The following ZFAND3 variants were observed in gnomAD, a reference collection of about 807,000 sequenced individuals.
ZFAND3 encodes the protein AN1-type zinc finger protein 3.
Under a neutral mutation model 29.6 loss-of-function variants are expected in ZFAND3, and 10 were observed. That is an observed-to-expected ratio of 0.34 (90% CI 0.21 to 0.57). The LOEUF is 0.57. Among genes scored for constraint, ZFAND3 ranks in the 20% least tolerant of loss-of-function variants. The probability of loss-of-function intolerance (pLI) is 0.86; values close to 1 mark genes in which losing one functional copy is unlikely to be tolerated. For missense variants in ZFAND3, 230 were observed against 304.5 expected, an observed-to-expected ratio of 0.76 and a Z score of 1.82; for synonymous variants, 128 against 112.6, an observed-to-expected ratio of 1.14 and a Z score of -0.87.
At chr6:37,886,902 G>A (rs148947307) in intron 1 of ZFAND3, among the ~76,000 whole-genome samples, 1 of 152,320 alleles carries the variant, frequency 6.6e-6, no homozygotes, top group East Asian at 1.9e-4. Context: ...TACTCAGGAG[G>A]CTTAGGCACA....
At chr6:37,824,676 C>T (rs1019893418) in intron 1 of ZFAND3, among the ~76,000 whole-genome samples, 2 of 151,998 alleles carry the variant, frequency 1.3e-5, no homozygotes, top group Non-Finnish European at 2.9e-5. Flanking sequence ...AAATATGGGG[C>T]TTATTAGGTA....
chr6:38,142,683 C>T (rs757195774), intron 5 of ZFAND3, among the ~76,000 whole-genome samples: 2 of 152,296 alleles, frequency 1.3e-5, no homozygotes, highest in South Asian at 2.1e-4. Context: ...CCCTGAGAGC[C>T]GTGTAGAGGC....
chr6:37,848,918 A>G (rs544118425), intron 1 of ZFAND3, among the ~76,000 whole-genome samples: 8 of 152,206 alleles, frequency 5.3e-5, no homozygotes, highest in African/African-American at 1.4e-4. Flanking sequence ...TTAAACTTCT[A>G]TTTTGTATGG....
In ZFAND3 at chr6:38,095,229, A is replaced by G. The variant is rs115269077; in HGVS notation, c.361+12772A>G. 3.7e-3 allele frequency among the ~76,000 whole-genome samples: 570 copies of G among 152,306 alleles called. 5 individuals carry two copies. The highest frequency in any genetic ancestry group is 0.013 in the African/African-American group (554 of 41,566). The stretch of plus-strand genomic sequence containing the variant: ...CTATTTAGAAAGCAAGCTTTCATTT[A>G]CTTTTCAGGGCTAGCATCTGTGAGC... On this transcript the variant is annotated intron_variant, in intron 4 of 5. Transcript: ENST00000287218.
intron 1 of ZFAND3, among the ~76,000 whole-genome samples, chr6:37,849,364 G>A (rs759990088): frequency 5.9e-5 from 9 of 152,048 alleles, no homozygotes; most frequent in Non-Finnish European, 1.0e-4. Flanking sequence ...GATGAATTGC[G>A]TCATATAATA....
At chr6:38,053,789 T>G (rs926165696) in intron 2 of ZFAND3, among the ~76,000 whole-genome samples, 14 of 152,118 alleles carry the variant, frequency 9.2e-5, no homozygotes, top group Admixed American at 3.9e-4. Flanking sequence ...TCAAGAGATA[T>G]TTAGGAGTTG....
intron 2 of ZFAND3, among the ~76,000 whole-genome samples, chr6:37,972,480 A>T (rs895510361): frequency 3.3e-5 from 5 of 151,936 alleles, no homozygotes; most frequent in African/African-American, 1.2e-4. Flanking sequence ...TAGTTTTTGG[A>T]CTCTTGTAGG....
chr6:38,073,572 A>C (rs1225612316), intron 3 of ZFAND3, among the ~76,000 whole-genome samples: 1 of 152,198 alleles, frequency 6.6e-6, no homozygotes, highest in African/African-American at 2.4e-5. Context: ...AACAGTGTCT[A>C]AAATTAGTAC....
chr6:37,951,864 C>G (rs1762005252), intron 2 of ZFAND3, among the ~76,000 whole-genome samples: 1 of 152,128 alleles, frequency 6.6e-6, no homozygotes, highest in African/African-American at 2.4e-5. Context: ...AGGTATGTTC[C>G]TTCAGTGCTT....
At chr6:38,148,924 T>C (rs1451656492) in intron 5 of ZFAND3, among the ~76,000 whole-genome samples, 1 of 152,232 alleles carries the variant, frequency 6.6e-6, no homozygotes, top group African/African-American at 2.4e-5. Context: ...ATAACCTCAG[T>C]GCAGCTACTT....
At chr6:38,148,790 T>C (rs1345406821) in intron 5 of ZFAND3, among the ~76,000 whole-genome samples, 1 of 152,170 alleles carries the variant, frequency 6.6e-6, no homozygotes, top group Non-Finnish European at 1.5e-5. Context: ...CCAAAATGCA[T>C]TTCACCATTG....
rs1236805456 is a variant in ZFAND3 at position 38,083,108 on chromosome 6, A to G, written c.361+651A>G. Among the ~76,000 whole-genome samples, 6 of 152,294 alleles carry G rather than the reference A, an allele frequency of 3.9e-5. No individual in the cohort carries two copies. In the South Asian group the frequency reaches 1.0e-3, roughly 26 times the overall value. The stretch of plus-strand genomic sequence containing the variant: ...CTATTTAAAATATCTCAAGGATTAT[A>G]TTTGGAAGAGTCAAAATAATTATAT... On this transcript the variant is annotated intron_variant, in intron 4 of 5. Transcript: ENST00000287218.
At position 38,010,165 on chromosome 6, in the gene ZFAND3, T is replaced by C. The variant is rs530133908; in HGVS notation, c.113-51428T>C. On this transcript the variant is annotated intron_variant, in intron 2 of 5. Coordinates refer to ENST00000287218, the MANE Select transcript of ZFAND3 (RefSeq NM_021943.3). Reference sequence around the variant, plus strand: ...CAGGGTGCCAGGTGAGAACCAGCCCTGGACAGGGCACCATCCCATTGCAGG... The same window carrying C: ...CAGGGTGCCAGGTGAGAACCAGCCCCGGACAGGGCACCATCCCATTGCAGG... 1.6e-4 allele frequency among the ~76,000 whole-genome samples: 24 copies of C among 152,356 alleles called. No homozygotes were observed. The South Asian group carries it at 5.0e-3, about 32-fold the overall frequency.
rs145653196 is a variant in ZFAND3, at chr6:38,043,555, C to T, written c.113-18038C>T. On this transcript the variant is annotated intron_variant, in intron 2 of 5. Transcript: ENST00000287218. ...CCCCTCTCCCCTTTTCTCCCCTCTTCCTCCTTCCCCTCTTCCCCCTTCCCC... is the reference window on the plus strand; with the variant it reads ...CCCCTCTCCCCTTTTCTCCCCTCTTTCTCCTTCCCCTCTTCCCCCTTCCCC... 1.7e-3 allele frequency among the ~76,000 whole-genome samples: 250 copies of T among 147,962 alleles called. 2 individuals are homozygous for T. Among genetic ancestry groups the T allele is most frequent in the African/African-American group, 5.7e-3 (227 of 40,002 alleles).
chr6:37,893,773 C>T (rs974717298), intron 1 of ZFAND3, among the ~76,000 whole-genome samples: 6 of 152,120 alleles, frequency 3.9e-5, no homozygotes, highest in South Asian at 4.1e-4. Flanking sequence ...AGGCTGGTCT[C>T]GAACTCCTGA....
rs545998224 is a variant in ZFAND3, at chr6:38,131,323, T to G, written c.529+14584T>G. Reference sequence around the variant, plus strand: ...AGTTTTACTCTGATATTGGTTCTTTTCTTCTTCTGGGTTTGTGATTCCCCT... The same window carrying G: ...AGTTTTACTCTGATATTGGTTCTTTGCTTCTTCTGGGTTTGTGATTCCCCT... On this transcript the variant is annotated intron_variant, in intron 5 of 5. Coordinates refer to ENST00000287218, the MANE Select transcript of ZFAND3 (RefSeq NM_021943.3). 2.6e-3 allele frequency among the ~76,000 whole-genome samples: 390 copies of G among 152,358 alleles called. 2 individuals are homozygous for G. The highest frequency in any genetic ancestry group is 7.0e-3 in the South Asian group (34 of 4,832).
Position 38,061,695 on chromosome 6 carries a change from C to T in ZFAND3, c.215C>T (p.Ser72Leu). The T allele has an allele frequency of 3.1e-6, 5 of 1,614,116 alleles. No individual in the cohort carries two copies. The highest frequency in any genetic ancestry group is 3.4e-6 in the Non-Finnish European group (4 of 1,180,022). Residue 72 changes from serine to leucine, a missense_variant, in exon 3 of 6, where the codon TCG becomes TTG. Transcript: ENST00000287218. ...EETTSDNNNT[S>L]ITTPTLSPSQ... ...ACCACCAGTGACAACAACAATACCT[C>T]GATAACCACGCCAACTCTTAGTCCC...
intron 2 of ZFAND3, among the ~76,000 whole-genome samples, chr6:38,024,045 C>T (rs965209357): frequency 2.6e-5 from 4 of 152,098 alleles, no homozygotes; most frequent in Non-Finnish European, 5.9e-5. Flanking sequence ...ATCAAACAAA[C>T]GAGACGAAAC....
intron 3 of ZFAND3, among the ~76,000 whole-genome samples, chr6:38,069,441 A>C (rs1254696569): frequency 6.6e-6 from 1 of 152,220 alleles, no homozygotes; most frequent in Non-Finnish European, 1.5e-5. Flanking sequence ...GATATATAAT[A>C]GTCTCAAAGT....
Sources: gnomAD v4.1 joint callset for allele counts (sites outside exome capture counted in the v4.1 genomes callset) on GRCh38, gnomAD v4.1.1 for gene constraint, MANE v1.5 for transcripts, NCBI Gene and HGNC (gene_info 2026-07-23, HGNC 2026-07-21) for gene names.